Variants in GRIP1 observed in about 807,000 individuals in gnomAD.
GRIP1 encodes the protein glutamate receptor-interacting protein 1.
A neutral mutation model predicts 129.9 loss-of-function variants in GRIP1; 45 were observed. That is an observed-to-expected ratio of 0.35 (90% CI 0.27 to 0.44). GRIP1 has a LOEUF of 0.44. Ranked by LOEUF, GRIP1 falls within the 20% of genes least tolerant of loss-of-function variation. GRIP1 has a pLI of 1.00. For synonymous variants in GRIP1, 530 were observed against 520.8 expected, an observed-to-expected ratio of 1.02 and a Z score of -0.24; for missense variants, 1,196 against 1,396.8, an observed-to-expected ratio of 0.86 and a Z score of 2.29.
chr12:66,397,260 C>G (rs1223160024), intron 16 of GRIP1, among the ~76,000 whole-genome samples: 4 of 151,158 alleles, frequency 2.6e-5, no homozygotes, highest in African/African-American at 9.8e-5. Context: ...GGCTGTAATC[C>G]CAGCACTTTG....
At chr12:66,641,792 A>C (rs2031950656) in intron 1 of GRIP1, among the ~76,000 whole-genome samples, 1 of 152,196 alleles carries the variant, frequency 6.6e-6, no homozygotes, top group African/African-American at 2.4e-5. Context: ...CATGCCTTAT[A>C]AGGATCGCAG....
At chr12:66,567,849 A>T (rs553689383) in intron 2 of GRIP1, 112 of 169,700 alleles carry the variant, frequency 6.6e-4, no homozygotes, top group Admixed American at 1.3e-3. Context: ...GGAATAATTA[A>T]TATTGCATTC....
At chr12:66,410,660 AACAAACAAACAG>A (rs1429475858) in intron 15 of GRIP1, among the ~76,000 whole-genome samples, 19 of 112,358 alleles carry the variant, frequency 1.7e-4, no homozygotes, top group South Asian at 3.0e-4. Flanking sequence ...CAAACAAACA[AACAAACAAACAG>A]ACAAACAATG....
chr12:67,066,361 C>T (rs1226930235), intron 1 of GRIP1, among the ~76,000 whole-genome samples: 1 of 152,050 alleles, frequency 6.6e-6, no homozygotes, highest in Non-Finnish European at 1.5e-5. Context: ...AATATGCGGT[C>T]CTCAAAGAAG....
At chr12:66,909,998 CTCT>C (rs1348794986) in intron 1 of GRIP1, among the ~76,000 whole-genome samples, 1 of 152,174 alleles carries the variant, frequency 6.6e-6, no homozygotes, top group Non-Finnish European at 1.5e-5. Flanking sequence ...AATCACAATA[CTCT>C]TCTGTCTCTG....
chr12:66,818,550 T>C (rs949607832), intron 1 of GRIP1, among the ~76,000 whole-genome samples: 1 of 152,202 alleles, frequency 6.6e-6, no homozygotes, highest in African/African-American at 2.4e-5. Flanking sequence ...AGTTCACAAC[T>C]CAAACATTTC....
intron 11 of GRIP1, among the ~76,000 whole-genome samples, chr12:66,450,400 C>A (rs976825602): frequency 6.8e-6 from 1 of 147,282 alleles, no homozygotes; most frequent in Non-Finnish European, 1.5e-5. Context: ...TATAGTGAAG[C>A]CTTCTCAAAG....
chr12:66,813,643 G>C (rs1592870377), intron 1 of GRIP1, among the ~76,000 whole-genome samples: 1 of 152,148 alleles, frequency 6.6e-6, no homozygotes, highest in Non-Finnish European at 1.5e-5. Flanking sequence ...CAAAGGTGTG[G>C]GGGCAGTACC....
intron 13 of GRIP1, among the ~76,000 whole-genome samples, chr12:66,437,245 T>G (rs111262638): frequency 2.4e-4 from 37 of 152,346 alleles, no homozygotes; most frequent in African/African-American, 8.4e-4. Flanking sequence ...TCCCCACCAA[T>G]GTCCCAAGTT....
At chr12:66,478,413 CT>C (rs1660569714) in intron 7 of GRIP1, among the ~76,000 whole-genome samples, 2 of 152,116 alleles carry the variant, frequency 1.3e-5, no homozygotes, top group Non-Finnish European at 2.9e-5. Context: ...AATAGGAACA[CT>C]TTTACACTGT....
At chr12:66,557,556 C>A (rs1287886107) in intron 2 of GRIP1, among the ~76,000 whole-genome samples, 1 of 152,136 alleles carries the variant, frequency 6.6e-6, no homozygotes, top group African/African-American at 2.4e-5. Context: ...GAGAATAGAT[C>A]ATATGTTAGC....
intron 1 of GRIP1, among the ~76,000 whole-genome samples, chr12:66,825,512 C>T (rs1328662889): frequency 6.6e-6 from 1 of 152,144 alleles, no homozygotes; most frequent in African/African-American, 2.4e-5. Flanking sequence ...TGGGTGCCAT[C>T]CTACTTTGCC....
chr12:66,967,278 G>C (rs1332801162), intron 1 of GRIP1, among the ~76,000 whole-genome samples: 1 of 152,052 alleles, frequency 6.6e-6, no homozygotes, highest in Non-Finnish European at 1.5e-5. Flanking sequence ...AGGGTAATTA[G>C]CATATCTATC....
intron 22 of GRIP1, among the ~76,000 whole-genome samples, chr12:66,375,160 A>C (rs756296119): frequency 1.6e-4 from 24 of 152,198 alleles, no homozygotes; most frequent in Non-Finnish European, 3.5e-4. Flanking sequence ...TAAGTGCCAC[A>C]TAATTATTAG....
At chr12:66,879,335 A>C (rs1269152220) in intron 1 of GRIP1, among the ~76,000 whole-genome samples, 1 of 152,108 alleles carries the variant, frequency 6.6e-6, no homozygotes, top group Non-Finnish European at 1.5e-5. Flanking sequence ...ACTACATACC[A>C]GGTGCTTAGT....
chr12:66,510,010 C>T (rs1294807836), intron 7 of GRIP1, among the ~76,000 whole-genome samples: 1 of 152,058 alleles, frequency 6.6e-6, no homozygotes, highest in African/African-American at 2.4e-5. Flanking sequence ...TGTTACTTTT[C>T]CAACCACAGG....
At chr12:66,489,813 C>T (rs2060056720) in intron 7 of GRIP1, among the ~76,000 whole-genome samples, 1 of 151,906 alleles carries the variant, frequency 6.6e-6, no homozygotes, top group South Asian at 2.1e-4. Flanking sequence ...ACATTCCTAA[C>T]ACCAACAACA....
intron 1 of GRIP1, among the ~76,000 whole-genome samples, chr12:66,787,373 G>A (rs1355669681): frequency 6.6e-6 from 1 of 150,640 alleles, no homozygotes; most frequent in Non-Finnish European, 1.5e-5. Context: ...CTGAGGAGGA[G>A]AATTCTCTTC....
intron 1 of GRIP1, among the ~76,000 whole-genome samples, chr12:66,851,933 T>C (rs2039919616): frequency 6.6e-6 from 1 of 152,124 alleles, no homozygotes; most frequent in Admixed American, 6.6e-5. Context: ...AAAGCCAACC[T>C]GTCATGATAG....
Sources: gnomAD v4.1 joint callset for allele counts (sites outside exome capture counted in the v4.1 genomes callset) on GRCh38, gnomAD v4.1.1 for gene constraint, MANE v1.5 for transcripts, NCBI Gene and HGNC (gene_info 2026-07-23, HGNC 2026-07-21) for gene names.